Variants in RPGRIP1L observed in about 807,000 individuals in gnomAD.
RPGRIP1L encodes protein fantom.
In RPGRIP1L, 131 loss-of-function variants were observed where a neutral mutation model predicts 160.4. That is an observed-to-expected ratio of 0.82 (90% CI 0.71 to 0.94). The LOEUF is 0.94. Ranked by LOEUF, RPGRIP1L falls within the 40% of genes least tolerant of loss-of-function variation. The pLI, the probability that RPGRIP1L is intolerant of heterozygous loss-of-function variation, is 0.00. For synonymous variants in RPGRIP1L, 510 were observed against 515.8 expected, an observed-to-expected ratio of 0.99 and a Z score of 0.15; for missense variants, 1,522 against 1,535.8, an observed-to-expected ratio of 0.99 and a Z score of 0.15.
rs1170423169 is a variant in RPGRIP1L, at chr16:53,609,908, T to C, written c.3701+1059A>G. 4.6e-5 allele frequency among the ~76,000 whole-genome samples: 7 copies of C among 152,276 alleles called. 1 individual carries two copies. The highest frequency in any genetic ancestry group is 2.6e-4 in the Admixed American group (4 of 15,274). ...CAGTCTCTCTTCTTCAAACAGAAGA[T>C]AAAATGCTAGTTTGGAAGCTCTTTT... On this transcript the variant is annotated intron_variant, in intron 25 of 26. Coordinates refer to ENST00000647211, the MANE Select transcript of RPGRIP1L (RefSeq NM_015272.5).
chr16:53,621,809 T>C (rs1392496622), intron 23 of RPGRIP1L, among the ~76,000 whole-genome samples: 1 of 150,066 alleles, frequency 6.7e-6, no homozygotes, highest in Non-Finnish European at 1.5e-5. Flanking sequence ...GATCACGAGG[T>C]CAGGAGATCG....
At chr16:53,673,612 A>T (rs1007564465) in intron 7 of RPGRIP1L, among the ~76,000 whole-genome samples, 27 of 152,298 alleles carry the variant, frequency 1.8e-4, no homozygotes, top group African/African-American at 6.3e-4. Context: ...AAATAAAAAA[A>T]GGTAAAGTCT....
intron 7 of RPGRIP1L, among the ~76,000 whole-genome samples, chr16:53,673,758 C>G (rs561028258): frequency 2.0e-5 from 3 of 152,064 alleles, no homozygotes; most frequent in East Asian, 3.9e-4. Flanking sequence ...TTTCGTTTAT[C>G]TTGGTATTAT....
At chr16:53,613,151 A>T (rs1359294965) in intron 24 of RPGRIP1L, among the ~76,000 whole-genome samples, 2 of 152,172 alleles carry the variant, frequency 1.3e-5, no homozygotes, top group African/African-American at 4.8e-5. Context: ...TTATCCACTT[A>T]TCCTGTGATA....
chr16:53,671,389 T>G, intron 9 of RPGRIP1L, 121 bp downstream of exon 9: 1 of 692,426 alleles, frequency 1.4e-6, no homozygotes, highest in Non-Finnish European at 2.6e-6. Flanking sequence ...AGTTTGCATA[T>G]TTCTTGCTAT....
chr16:53,700,836 A>G, intron 1 of RPGRIP1L, 106 bp from the exon 2 acceptor site: 1 of 804,694 alleles, frequency 1.2e-6, no homozygotes. Flanking sequence ...TTTAATGGGC[A>G]TCTTATTGTC....
intron 25 of RPGRIP1L, among the ~76,000 whole-genome samples, chr16:53,606,444 TAAA>T (rs1963688948): frequency 6.6e-6 from 1 of 152,104 alleles, no homozygotes; most frequent in Non-Finnish European, 1.5e-5. Context: ...ACAAGAAACA[TAAA>T]AATCTACATC....
intron 10 of RPGRIP1L, among the ~76,000 whole-genome samples, chr16:53,662,482 C>A (rs1348678339): frequency 6.6e-6 from 1 of 152,000 alleles, no homozygotes; most frequent in African/African-American, 2.4e-5. Flanking sequence ...CTACAAGAAG[C>A]CAGGGAAACA....
At chr16:53,650,835 C>G (rs2151113223) in intron 15 of RPGRIP1L, among the ~76,000 whole-genome samples, 1 of 152,282 alleles carries the variant, frequency 6.6e-6, no homozygotes, top group East Asian at 1.9e-4. Context: ...TCACTGGCCA[C>G]TCCTCAGTTT....
chr16:53,644,218 G>A (rs1422700280), intron 17 of RPGRIP1L, among the ~76,000 whole-genome samples: 1 of 152,060 alleles, frequency 6.6e-6, no homozygotes, highest in Non-Finnish European at 1.5e-5. Flanking sequence ...GGGTTCAGTA[G>A]GAAATCTGAA....
chr16:53,696,065 T>G (rs1418376557), intron 3 of RPGRIP1L, 86 bp downstream of exon 3: 1 of 1,246,678 alleles, frequency 8.0e-7, no homozygotes, highest in Non-Finnish European at 1.2e-6. Flanking sequence ...AGATTCAAGG[T>G]GGGGTATTCA....
chr16:53,620,014 T>G (rs1323655010), intron 23 of RPGRIP1L, among the ~76,000 whole-genome samples: 1 of 152,174 alleles, frequency 6.6e-6, no homozygotes, highest in African/African-American at 2.4e-5. Flanking sequence ...CAGTTAAATC[T>G]GTTTTTTACA....
chr16:53,684,936 T>C (rs1461195889), intron 6 of RPGRIP1L, among the ~76,000 whole-genome samples: 2 of 151,796 alleles, frequency 1.3e-5, no homozygotes, highest in Non-Finnish European at 1.5e-5. Context: ...ACCTATAGAA[T>C]GGGAGAAAAT....
chr16:53,627,617 GC>G (rs1965265851), intron 22 of RPGRIP1L, among the ~76,000 whole-genome samples: 1 of 151,994 alleles, frequency 6.6e-6, no homozygotes, highest in Admixed American at 6.6e-5. Context: ...TCCCAAACAT[GC>G]CTTTATATTT....
rs766293493 is a variant in RPGRIP1L at position 53,646,983 on chromosome 16, A to AAAG, written c.2305-983_2305-981dup. ...TAGAAGGCTGAGAGGAATGACTGAA[A>AAAG]AAGTACCTCCACTTCTCCCCTTCAA... On this transcript the variant is annotated intron_variant, in intron 16 of 26. Transcript: ENST00000647211. Among the ~76,000 whole-genome samples the AAAG allele has an allele frequency of 1.7e-4, 23 of 138,706 alleles. No individual in the cohort carries two copies. The South Asian group carries it at 2.3e-3, about 14-fold the overall frequency. 91.0% of individuals were successfully genotyped at this position (138,706 alleles called of 152,430 possible).
chr16:53,696,392 T>A, intron 2 of RPGRIP1L, 97 bp from the exon 3 acceptor site: 2 of 1,318,896 alleles, frequency 1.5e-6, no homozygotes, highest in Non-Finnish European at 2.2e-6. Context: ...CATCTGAGAT[T>A]TTTTCCTTTG....
rs201131571 is a variant in RPGRIP1L, at chr16:53,652,915, A to G, written c.1772T>C (p.Val591Ala). 120 of 1,613,232 alleles carry G rather than the reference A, an allele frequency of 7.4e-5. No homozygotes were observed. The highest frequency in any genetic ancestry group is 9.4e-5 in the Non-Finnish European group (111 of 1,179,842). The change falls in exon 15 of 27, where the codon GTT becomes GCT. Residue 591 changes from valine (V) to alanine (A), a missense_variant. Coordinates refer to ENST00000647211, the MANE Select transcript of RPGRIP1L (RefSeq NM_015272.5). ...FKPEIMPDDS[V>A]DEFDETIHLE... Reference sequence around the variant, plus strand: ...GTGGATGGTTTCATCAAATTCATCAACAGAGTCATCTGGCATGATTTCTGG... The same window carrying G: ...GTGGATGGTTTCATCAAATTCATCAGCAGAGTCATCTGGCATGATTTCTGG...
intron 9 of RPGRIP1L, among the ~76,000 whole-genome samples, chr16:53,665,409 C>T (rs1968157906): frequency 6.6e-6 from 1 of 152,112 alleles, no homozygotes; most frequent in Non-Finnish European, 1.5e-5. Context: ...GGACTTTCCA[C>T]CTGATCTTTA....
At chr16:53,642,361 G>A (rs8044002) in intron 17 of RPGRIP1L, among the ~76,000 whole-genome samples, 132,124 of 151,744 alleles carry the variant, frequency 0.87, 57,887 homozygotes, top group East Asian at 0.98. Flanking sequence ...CTAAATTTCA[G>A]GCATTAGCTT....
Sources: gnomAD v4.1 joint callset for allele counts (sites outside exome capture counted in the v4.1 genomes callset) on GRCh38, gnomAD v4.1.1 for gene constraint, MANE v1.5 for transcripts, NCBI Gene and HGNC (gene_info 2026-07-23, HGNC 2026-07-21) for gene names.